Variants in RBMS3 observed in about 807,000 individuals in gnomAD.
RBMS3 encodes the protein RNA binding motif single stranded interacting protein 3.
A neutral mutation model predicts 66.8 loss-of-function variants in RBMS3; 27 were observed. That is an observed-to-expected ratio of 0.40 (90% CI 0.30 to 0.56). RBMS3 has a LOEUF of 0.56. Among genes scored for constraint, RBMS3 ranks in the 20% least tolerant of loss-of-function variants. The pLI, the probability that RBMS3 is intolerant of heterozygous loss-of-function variation, is 0.40. For missense variants in RBMS3, 513 were observed against 549.5 expected (o/e 0.93, Z 0.66); for synonymous variants, 188 against 183.0 (o/e 1.03, Z -0.22).
At chr3:29,931,212 A>G (rs182314161) in intron 10 of RBMS3, among the ~76,000 whole-genome samples, 3 of 152,306 alleles carry the variant, frequency 2.0e-5, no homozygotes, top group Admixed American at 6.5e-5. Context: ...TTGAGTACTT[A>G]CTGCATGCAA....
At chr3:29,709,008 C>A (rs2053035208) in intron 4 of RBMS3, among the ~76,000 whole-genome samples, 1 of 152,300 alleles carries the variant, frequency 6.6e-6, no homozygotes, top group East Asian at 1.9e-4. Context: ...CTCAGCCCAA[C>A]TCAGTTCAAT....
At position 29,431,661 on chromosome 3, in the gene RBMS3, T is replaced by C. The variant is rs548190779; in HGVS notation, c.76-3082T>C. The stretch of plus-strand genomic sequence containing the variant: ...GCTCCTGTCATGTCTATTCTTTCAC[T>C]TGTGCATTTCTCAACTGTTGGTCAA... On this transcript the variant is annotated intron_variant, in intron 1 of 14. Coordinates refer to ENST00000383767, the MANE Select transcript of RBMS3 (RefSeq NM_001003793.3). Among the ~76,000 whole-genome samples the C allele has an allele frequency of 3.3e-4, 51 of 152,312 alleles. 2 individuals are homozygous for C. Among genetic ancestry groups the C allele is most frequent in the Admixed American group, 3.0e-3 (46 of 15,296 alleles).
intron 4 of RBMS3, among the ~76,000 whole-genome samples, chr3:29,703,301 C>A (rs907017259): frequency 2.0e-5 from 3 of 152,160 alleles, no homozygotes; most frequent in Non-Finnish European, 4.4e-5. Flanking sequence ...AAACCTTTTG[C>A]TTGAAGTTGA....
chr3:30,002,624 C>G (rs929224498), intron 14 of RBMS3, among the ~76,000 whole-genome samples: 1 of 151,968 alleles, frequency 6.6e-6, no homozygotes, highest in Non-Finnish European at 1.5e-5. Flanking sequence ...TCTCATATAA[C>G]ACAGTAATAT....
At chr3:29,703,107 T>C (rs971233476) in intron 4 of RBMS3, among the ~76,000 whole-genome samples, 1 of 152,242 alleles carries the variant, frequency 6.6e-6, no homozygotes, top group Non-Finnish European at 1.5e-5. Flanking sequence ...TAGGTGTGAT[T>C]GTTTATTACA....
At chr3:29,696,893 C>T in intron 4 of RBMS3, 2 of 924,586 alleles carry the variant, frequency 2.2e-6, no homozygotes, top group Non-Finnish European at 2.6e-6. Context: ...GTTATTTATA[C>T]ACCAACCCCT....
At chr3:29,737,831 A>AGTGTGT (rs3070725) in intron 4 of RBMS3, among the ~76,000 whole-genome samples, 150 of 145,852 alleles carry the variant, frequency 1.0e-3, no homozygotes, top group African/African-American at 2.3e-3. Flanking sequence ...GTGATAGTGG[A>AGTGTGT]GTGTGTGTGT....
chr3:29,909,003 T>G (rs376907547), intron 10 of RBMS3, among the ~76,000 whole-genome samples: 140 of 152,182 alleles, frequency 9.2e-4, no homozygotes, highest in African/African-American at 2.9e-3. Context: ...GGATGGGTGA[T>G]GTTTGTGGGG....
chr3:29,880,659 A>T, intron 7 of RBMS3: 1 of 833,634 alleles, frequency 1.2e-6, no homozygotes, highest in Non-Finnish European at 2.0e-6. Context: ...TTGTGCTATT[A>T]TATTCAGCCA....
At chr3:29,917,307 C>T (rs1200543903) in intron 10 of RBMS3, among the ~76,000 whole-genome samples, 1 of 152,092 alleles carries the variant, frequency 6.6e-6, no homozygotes, top group Non-Finnish European at 1.5e-5. Flanking sequence ...TTATTTTCAA[C>T]ATCTTTTCTT....
intron 1 of RBMS3, among the ~76,000 whole-genome samples, chr3:29,322,638 G>A (rs544032462): frequency 2.0e-5 from 3 of 151,868 alleles, no homozygotes; most frequent in African/African-American, 7.2e-5. Context: ...AAAAAAAATG[G>A]CCATACTCCA....
At chr3:29,394,472 G>A (rs571231522) in intron 1 of RBMS3, among the ~76,000 whole-genome samples, 7 of 152,250 alleles carry the variant, frequency 4.6e-5, no homozygotes, top group Non-Finnish European at 8.8e-5. Flanking sequence ...GAAGATGACA[G>A]GATTAAGAGA....
chr3:29,720,792 C>A (rs1398078418), intron 4 of RBMS3, among the ~76,000 whole-genome samples: 1 of 151,404 alleles, frequency 6.6e-6, no homozygotes, highest in East Asian at 1.9e-4. Flanking sequence ...TCTGGAGGAT[C>A]GGTCAACGAC....
intron 1 of RBMS3, among the ~76,000 whole-genome samples, chr3:29,423,574 A>C (rs2040833229): frequency 6.6e-6 from 1 of 152,186 alleles, no homozygotes. Flanking sequence ...TTTCATCAGC[A>C]CATAGTATGG....
intron 3 of RBMS3, among the ~76,000 whole-genome samples, chr3:29,562,199 A>G (rs2046581636): frequency 6.6e-6 from 1 of 152,170 alleles, no homozygotes. Flanking sequence ...GGCAAGCAAT[A>G]GAATTTAGCG....
chr3:29,899,969 AGG>A (rs1046287700), intron 10 of RBMS3, among the ~76,000 whole-genome samples: 3 of 151,414 alleles, frequency 2.0e-5, no homozygotes, highest in African/African-American at 7.3e-5. Context: ...ATAAAGAGAG[AGG>A]GTGAAAAAGC....
intron 1 of RBMS3, among the ~76,000 whole-genome samples, chr3:29,310,017 C>T (rs1347883369): frequency 2.6e-5 from 4 of 151,320 alleles, no homozygotes; most frequent in African/African-American, 7.3e-5. Flanking sequence ...TGATCTGAGT[C>T]GAAGGAGGAG....
intron 1 of RBMS3, among the ~76,000 whole-genome samples, chr3:29,401,872 A>G (rs905718455): frequency 6.6e-6 from 1 of 152,080 alleles, no homozygotes; most frequent in Non-Finnish European, 1.5e-5. Flanking sequence ...AGTCATGGCT[A>G]TGATGATTAA....
intron 7 of RBMS3, among the ~76,000 whole-genome samples, chr3:29,873,438 TG>T (rs2059538925): frequency 6.6e-6 from 1 of 152,214 alleles, no homozygotes; most frequent in African/African-American, 2.4e-5. Context: ...ACGTTGATTT[TG>T]TATCCTGAAA....
Sources: allele counts gnomAD v4.1 joint callset (sites outside exome capture counted in the v4.1 genomes callset), GRCh38; gene constraint gnomAD v4.1.1; transcripts MANE v1.5; gene names NCBI Gene and HGNC (gene_info 2026-07-23, HGNC 2026-07-21).